ACYP2: variants seen among roughly 807,000 people sequenced by gnomAD.
ACYP2 encodes acylphosphatase 2.
In ACYP2, 12 loss-of-function variants were observed where a neutral mutation model predicts 11.2. The ratio of observed to expected loss-of-function variants is 1.08; its 90% confidence interval spans 0.69 to 1.74. ACYP2 has a LOEUF of 1.74. Ranked by LOEUF, ACYP2 falls within the 40% of genes most tolerant of loss-of-function variation. The pLI is 0.00. For missense variants in ACYP2, 134 were observed against 101.9 expected (o/e 1.31, Z -1.35); for synonymous variants, 43 against 32.2 (o/e 1.33, Z -1.13).
At chr2:54,066,062 C>T (rs1175064205) in intron 4 of ACYP2, 2 of 152,242 alleles carry the variant, frequency 1.3e-5, no homozygotes, top group Admixed American at 1.3e-4. Flanking sequence ...ACACATCCCT[C>T]CATACCCCAT....
chr2:54,099,176 G>T (rs997116424), intron 4 of ACYP2, among the ~76,000 whole-genome samples: 2 of 152,132 alleles, frequency 1.3e-5, no homozygotes, highest in African/African-American at 4.8e-5. Context: ...AATAAAAATT[G>T]TATACATTTA....
intron 4 of ACYP2, among the ~76,000 whole-genome samples, chr2:54,133,046 A>G (rs13353360): frequency 0.016 from 2,458 of 152,242 alleles, 74 homozygotes; most frequent in African/African-American, 0.054. Flanking sequence ...ACCCGGCCCA[A>G]TGAATTTTTA....
chr2:54,284,394 G>C (rs543493962), intron 6 of ACYP2, among the ~76,000 whole-genome samples: 1 of 152,176 alleles, frequency 6.6e-6, no homozygotes, highest in African/African-American at 2.4e-5. Flanking sequence ...TTTATCTTTT[G>C]AGCATTTGCT....
chr2:54,278,739 C>T (rs977245640), intron 6 of ACYP2, among the ~76,000 whole-genome samples: 1 of 152,170 alleles, frequency 6.6e-6, no homozygotes, highest in Non-Finnish European at 1.5e-5. Flanking sequence ...TTAAAAGTTT[C>T]ATAATGAAAC....
chr2:53,989,981 C>CTT (rs112395166), intron 2 of ACYP2, among the ~76,000 whole-genome samples: 9 of 143,180 alleles, frequency 6.3e-5, no homozygotes, highest in Admixed American at 7.1e-5. Context: ...CTTTTCTTTT[C>CTT]TTTTTTTTTT....
chr2:54,204,292 C>T (rs1393454431), intron 6 of ACYP2, among the ~76,000 whole-genome samples: 1 of 138,770 alleles, frequency 7.2e-6, no homozygotes, highest in Non-Finnish European at 1.6e-5. Context: ...TGCGCCCGGC[C>T]ATGGGATTTT....
intron 4 of ACYP2, among the ~76,000 whole-genome samples, chr2:54,081,610 G>A (rs6706617): frequency 0.97 from 147,524 of 152,358 alleles, 71,445 homozygotes; most frequent in East Asian, 1. Context: ...TGCTTGCCCA[G>A]TGATGAAATT....
chr2:54,071,913 A>C (rs1677067185), intron 4 of ACYP2, among the ~76,000 whole-genome samples: 1 of 152,128 alleles, frequency 6.6e-6, no homozygotes, highest in Non-Finnish European at 1.5e-5. Flanking sequence ...TAGGAGGCTG[A>C]GGCAGGAGAA....
At chr2:54,003,306 C>A (rs1423294301) in intron 2 of ACYP2, among the ~76,000 whole-genome samples, 1 of 151,860 alleles carries the variant, frequency 6.6e-6, no homozygotes, top group East Asian at 1.9e-4. Flanking sequence ...GTTGCCCAGG[C>A]TGGGGTGCAA....
intron 4 of ACYP2, among the ~76,000 whole-genome samples, chr2:54,071,277 T>C (rs1677027515): frequency 6.6e-6 from 1 of 152,260 alleles, no homozygotes; most frequent in Non-Finnish European, 1.5e-5. Context: ...GCACTACAGA[T>C]TCTAGCCAGG....
intron 2 of ACYP2, among the ~76,000 whole-genome samples, chr2:54,012,451 G>A (rs1673425885): frequency 1.3e-5 from 2 of 152,234 alleles, no homozygotes; most frequent in African/African-American, 4.8e-5. Context: ...AGGAGGTTGA[G>A]GCTGCAGTGA....
At chr2:54,148,096 T>C (rs1681978521) in intron 6 of ACYP2, among the ~76,000 whole-genome samples, 1 of 152,208 alleles carries the variant, frequency 6.6e-6, no homozygotes, top group African/African-American at 2.4e-5. Flanking sequence ...GCACATGATA[T>C]CCACAGTTAA....
chr2:54,210,063 C>T (rs952033584), intron 6 of ACYP2, among the ~76,000 whole-genome samples: 1 of 149,436 alleles, frequency 6.7e-6, no homozygotes, highest in Admixed American at 6.7e-5. Flanking sequence ...ATTGCTTGAA[C>T]CTGGGAGGCA....
intron 6 of ACYP2, among the ~76,000 whole-genome samples, chr2:54,180,709 C>T (rs1443895241): frequency 1.3e-5 from 2 of 152,120 alleles, no homozygotes; most frequent in South Asian, 2.1e-4. Context: ...CACACACCAC[C>T]ATGCCAGGCT....
intron 4 of ACYP2, among the ~76,000 whole-genome samples, chr2:54,091,897 G>A (rs1678252905): frequency 6.6e-6 from 1 of 152,150 alleles, no homozygotes; most frequent in Non-Finnish European, 1.5e-5. Context: ...CCTCAGAGAT[G>A]CTGGTGGGAG....
chr2:54,100,237 G>T (rs1402164821), intron 4 of ACYP2, among the ~76,000 whole-genome samples: 1 of 151,258 alleles, frequency 6.6e-6, no homozygotes, highest in East Asian at 1.9e-4. Context: ...CACTTTGTAG[G>T]GTCAGTGTTA....
At chr2:54,085,724 G>C (rs1157183626) in intron 4 of ACYP2, among the ~76,000 whole-genome samples, 4 of 152,168 alleles carry the variant, frequency 2.6e-5, no homozygotes, top group African/African-American at 7.2e-5. Context: ...AGAGATGTGA[G>C]ACAGAGAGAG....
At chr2:53,985,070 CT>C (rs1178409999) in intron 2 of ACYP2, among the ~76,000 whole-genome samples, 150 of 134,942 alleles carry the variant, frequency 1.1e-3, no homozygotes, top group Non-Finnish European at 1.2e-3. Flanking sequence ...TTTTTTCTTT[CT>C]TTTTTTTTTT....
chr2:54,037,305 G>T (rs1674954945), intron 2 of ACYP2, among the ~76,000 whole-genome samples: 1 of 151,998 alleles, frequency 6.6e-6, no homozygotes, highest in Non-Finnish European at 1.5e-5. Flanking sequence ...GGTAGAGACG[G>T]AGTTTCACCA....
Sources: gnomAD v4.1 joint callset for allele counts (sites outside exome capture counted in the v4.1 genomes callset) on GRCh38, gnomAD v4.1.1 for gene constraint, MANE v1.5 for transcripts, NCBI Gene and HGNC (gene_info 2026-07-23, HGNC 2026-07-21) for gene names.